Variants in SPATA9 observed in about 807,000 individuals in gnomAD.
SPATA9 encodes spermatogenesis-associated protein 9.
A neutral mutation model predicts 25.5 loss-of-function variants in SPATA9; 27 were observed. That is an observed-to-expected ratio of 1.06 (90% CI 0.78 to 1.46). The LOEUF is 1.46. Among genes scored for constraint, SPATA9 ranks in the 40% most tolerant of loss-of-function variants. The probability of loss-of-function intolerance (pLI) is 0.00; values close to 1 mark genes in which losing one functional copy is unlikely to be tolerated. For missense variants in SPATA9, 282 were observed against 297.5 expected (o/e 0.95, Z 0.38); for synonymous variants, 102 against 105.7 (o/e 0.97, Z 0.21).
chr5:95,716,209 C>T, the SPATA9 span, among the ~76,000 whole-genome samples: 1 of 152,180 alleles, frequency 6.6e-6, no homozygotes, highest in Non-Finnish European at 1.5e-5. Flanking sequence ...AATGGTAGAT[C>T]CACCGACAGC....
intron 4 of SPATA9, among the ~76,000 whole-genome samples, chr5:95,661,377 A>C (rs1258461336): frequency 6.6e-6 from 1 of 152,106 alleles, no homozygotes; most frequent in Non-Finnish European, 1.5e-5. Flanking sequence ...ATTGCTTTCA[A>C]AACCAAAATT....
At chr5:95,731,816 T>TGACC in the SPATA9 span, 1 of 1,601,690 alleles carries the variant, frequency 6.2e-7, no homozygotes, top group Non-Finnish European at 8.5e-7. Flanking sequence ...ACCCGCGCGC[T>TGACC]GACCGTGCTT....
Position 95,682,632 on chromosome 5 carries a change from GT to G in SPATA9, c.62-17del. 6.3e-7 allele frequency: 1 copy of G among 1,597,368 alleles called. No homozygotes were observed. The highest frequency in any genetic ancestry group is 1.8e-5 in the Admixed American group (1 of 56,688). On this transcript the variant is annotated splice_polypyrimidine_tract_variant and intron_variant, in intron 1 of 4. Transcript: ENST00000274432. ...ATCCCCTCGACTAAGACAAAAAGAG[GT>G]TAGGAAAAAGAAAACTTTGAAAACA...
chr5:95,716,116 G>A, the SPATA9 span, among the ~76,000 whole-genome samples: 9 of 152,346 alleles, frequency 5.9e-5, no homozygotes, highest in East Asian at 9.6e-4. Flanking sequence ...GGAAATATGG[G>A]GTGGGAGCCC....
intron 1 of SPATA9, among the ~76,000 whole-genome samples, chr5:95,695,486 T>TA: frequency 6.7e-6 from 1 of 149,488 alleles, no homozygotes; most frequent in Non-Finnish European, 1.5e-5. Context: ...CACTCCCAGC[T>TA]ACTTGGGAGG....
chr5:95,717,410 T>A, the SPATA9 span: 1 of 152,230 alleles, frequency 6.6e-6, no homozygotes, highest in Non-Finnish European at 1.5e-5. Flanking sequence ...TATGTGTGCA[T>A]ATGTGTGTGG....
chr5:95,652,327 T>TC (rs1435257391), downstream of SPATA9: 2 of 1,550,758 alleles, frequency 1.3e-6, no homozygotes, highest in Admixed American at 3.9e-5. Flanking sequence ...ACACTTCCTC[T>TC]CCAAGTGAGT....
downstream of SPATA9, chr5:95,655,954 T>A: frequency 8.0e-7 from 1 of 1,252,006 alleles, no homozygotes. Context: ...CTAACCTGTT[T>A]TTTTAACCTG....
downstream of SPATA9, chr5:95,654,282 T>A (rs755106242): frequency 8.5e-5 from 136 of 1,608,614 alleles, no homozygotes; most frequent in Middle Eastern, 4.3e-3. Context: ...CATGAAACTA[T>A]CAAAATTTCA....
At chr5:95,699,083 G>C (rs1480355565), upstream of SPATA9, among the ~76,000 whole-genome samples, 1 of 152,100 alleles carries the variant, frequency 6.6e-6, no homozygotes, top group African/African-American at 2.4e-5. Flanking sequence ...TCAATGCTGC[G>C]ATTCATTGAG....
At chr5:95,731,142 G>C in the SPATA9 span, 1 of 1,015,324 alleles carries the variant, frequency 9.8e-7, no homozygotes, top group Non-Finnish European at 1.2e-6. Context: ...ATTCCGCGGC[G>C]CCCCGCGCGG....
chr5:95,662,657 A>G (rs1751373129), intron 4 of SPATA9, among the ~76,000 whole-genome samples: 1 of 152,236 alleles, frequency 6.6e-6, no homozygotes, highest in Non-Finnish European at 1.5e-5. Flanking sequence ...TCAAAAAAGG[A>G]CAGGCTCCTA....
At chr5:95,680,484 C>T (rs1247682020) in intron 2 of SPATA9, among the ~76,000 whole-genome samples, 1 of 152,130 alleles carries the variant, frequency 6.6e-6, no homozygotes, top group East Asian at 1.9e-4. Flanking sequence ...TTCCTCTCTC[C>T]TTTTTCTCTC....
chr5:95,686,587 G>A (rs1383399712), upstream of SPATA9, among the ~76,000 whole-genome samples: 2 of 152,196 alleles, frequency 1.3e-5, no homozygotes, highest in East Asian at 1.9e-4. Flanking sequence ...AATCAATCGA[G>A]CGTGCAGAAG....
chr5:95,731,992 G>A, the SPATA9 span: 2 of 1,614,182 alleles, frequency 1.2e-6, no homozygotes, highest in Non-Finnish European at 1.7e-6. Flanking sequence ...GTTGCTGAAC[G>A]CGGCCAGCAC....
intron 4 of SPATA9, among the ~76,000 whole-genome samples, chr5:95,663,531 T>C (rs909700855): frequency 6.6e-5 from 10 of 152,132 alleles, no homozygotes; most frequent in Non-Finnish European, 1.2e-4. Context: ...AAAACCCTTA[T>C]AATTAAAAAA....
At chr5:95,675,737 G>A (rs190978596) in intron 2 of SPATA9, 98 bp from the exon 3 acceptor site, 2 of 931,072 alleles carry the variant, frequency 2.1e-6, no homozygotes, top group African/African-American at 3.3e-5. Flanking sequence ...ACTACATTGT[G>A]CATGGTGTCA....
At chr5:95,706,389 C>T in the SPATA9 span, among the ~76,000 whole-genome samples, 17 of 151,728 alleles carry the variant, frequency 1.1e-4, no homozygotes, top group African/African-American at 4.1e-4. Context: ...GCACCTCCCC[C>T]TTCCCTCCCT....
chr5:95,711,297 A>G, the SPATA9 span, among the ~76,000 whole-genome samples: 3 of 152,118 alleles, frequency 2.0e-5, no homozygotes, highest in Non-Finnish European at 4.4e-5. Context: ...CTCTCTCCAG[A>G]TACGCTCCCT....
Sources: gnomAD v4.1 joint callset for allele counts (sites outside exome capture counted in the v4.1 genomes callset) on GRCh38, gnomAD v4.1.1 for gene constraint, MANE v1.5 for transcripts, NCBI Gene and HGNC (gene_info 2026-07-23, HGNC 2026-07-21) for gene names.